ZBTB7C: variants seen among roughly 807,000 people sequenced by gnomAD.
ZBTB7C encodes zinc finger and BTB domain-containing protein 7C.
Under a neutral mutation model 25.7 loss-of-function variants are expected in ZBTB7C, and 8 were observed. The observed-to-expected ratio is 0.31, with a 90% CI of 0.18 to 0.56. The LOEUF (loss-of-function observed/expected upper bound fraction) is 0.56. Ranked by LOEUF, ZBTB7C falls within the 20% of genes least tolerant of loss-of-function variation. The pLI is 0.91. For missense variants in ZBTB7C, 824 were observed against 855.2 expected, an observed-to-expected ratio of 0.96 and a Z score of 0.46; for synonymous variants, 394 against 369.0, an observed-to-expected ratio of 1.07 and a Z score of -0.78.
chr18:48,123,613 C>A (rs1188986829), intron 3 of ZBTB7C, among the ~76,000 whole-genome samples: 1 of 152,196 alleles, frequency 6.6e-6, no homozygotes, highest in African/African-American at 2.4e-5. Context: ...ACACTCCTAA[C>A]AAACATCCTG....
At chr18:48,335,546 C>A (rs1187354473) in intron 2 of ZBTB7C, among the ~76,000 whole-genome samples, 1 of 152,142 alleles carries the variant, frequency 6.6e-6, no homozygotes, top group Non-Finnish European at 1.5e-5. Context: ...TCTTATTATT[C>A]AAGAGAATGT....
intron 1 of ZBTB7C, among the ~76,000 whole-genome samples, chr18:48,352,818 C>T (rs1006500290): frequency 5.9e-5 from 9 of 152,022 alleles, no homozygotes; most frequent in African/African-American, 1.7e-4. Flanking sequence ...AGCTGAAAGG[C>T]GCAGGGGGTA....
intron 3 of ZBTB7C, among the ~76,000 whole-genome samples, chr18:48,089,336 G>C (rs925860474): frequency 2.0e-5 from 3 of 152,024 alleles, no homozygotes; most frequent in Non-Finnish European, 4.4e-5. Flanking sequence ...CGGGTGTGGT[G>C]GTGGGCGCCT....
At chr18:48,242,183 C>A (rs560032502) in intron 2 of ZBTB7C, among the ~76,000 whole-genome samples, 1 of 152,200 alleles carries the variant, frequency 6.6e-6, no homozygotes, top group African/African-American at 2.4e-5. Context: ...CAATAACAAG[C>A]AGTGAGATTG....
chr18:48,236,619 C>A (rs548613468), intron 2 of ZBTB7C, among the ~76,000 whole-genome samples: 10 of 152,006 alleles, frequency 6.6e-5, no homozygotes, highest in Admixed American at 2.6e-4. Flanking sequence ...AACTGGCAGA[C>A]CCTCCTAAAG....
chr18:48,203,513 C>T (rs372601790), intron 2 of ZBTB7C: 1 of 152,378 alleles, frequency 6.6e-6, no homozygotes, highest in African/African-American at 2.4e-5. Context: ...TCCTCTTTTG[C>T]TTCTGATCCT....
chr18:48,176,013 G>A (rs1705894590), intron 3 of ZBTB7C, among the ~76,000 whole-genome samples: 1 of 152,130 alleles, frequency 6.6e-6, no homozygotes, highest in Non-Finnish European at 1.5e-5. Flanking sequence ...GACCGATGAG[G>A]AGCAGGGTAC....
chr18:48,232,489 C>A (rs1016760866), intron 2 of ZBTB7C, among the ~76,000 whole-genome samples: 1 of 138,652 alleles, frequency 7.2e-6, no homozygotes, highest in Non-Finnish European at 1.7e-5. Flanking sequence ...ACCCTCTAGA[C>A]CAGCCCATCT....
chr18:48,131,721 A>C (rs2039991195), intron 3 of ZBTB7C, among the ~76,000 whole-genome samples: 1 of 152,212 alleles, frequency 6.6e-6, no homozygotes, highest in African/African-American at 2.4e-5. Flanking sequence ...CATGCAAAGG[A>C]AACACCAGGG....
At chr18:48,056,785 T>C (rs977134243) in intron 3 of ZBTB7C, among the ~76,000 whole-genome samples, 2 of 151,948 alleles carry the variant, frequency 1.3e-5, no homozygotes, top group African/African-American at 2.4e-5. Flanking sequence ...AAAAAGTAAA[T>C]AAAATATTGA....
chr18:48,323,751 C>T (rs1384612104), intron 2 of ZBTB7C, among the ~76,000 whole-genome samples: 2 of 152,094 alleles, frequency 1.3e-5, no homozygotes, highest in African/African-American at 2.4e-5. Flanking sequence ...TCCGGCAGTT[C>T]AGTTGTCAAT....
At chr18:48,154,878 G>T (rs2040789148) in intron 3 of ZBTB7C, among the ~76,000 whole-genome samples, 1 of 152,200 alleles carries the variant, frequency 6.6e-6, no homozygotes. Flanking sequence ...TCAAGTCCTA[G>T]TCTCTTTATG....
chr18:48,402,351 C>G (rs1437109730), intron 1 of ZBTB7C, among the ~76,000 whole-genome samples: 5 of 151,576 alleles, frequency 3.3e-5, no homozygotes, highest in Non-Finnish European at 7.4e-5. Context: ...TTAAGGAATA[C>G]TACACATCCA....
At chr18:48,241,422 G>A (rs375607181) in intron 2 of ZBTB7C, among the ~76,000 whole-genome samples, 25 of 152,176 alleles carry the variant, frequency 1.6e-4, no homozygotes, top group Non-Finnish European at 3.5e-4. Flanking sequence ...ATCAGCACAT[G>A]GAACATTCTC....
intron 2 of ZBTB7C, among the ~76,000 whole-genome samples, chr18:48,277,912 G>A (rs907595435): frequency 6.6e-6 from 1 of 152,090 alleles, no homozygotes; most frequent in Non-Finnish European, 1.5e-5. Context: ...AGGATGCAAG[G>A]GGGAGGAGGG....
At chr18:48,247,732 G>A (rs967943800) in intron 2 of ZBTB7C, among the ~76,000 whole-genome samples, 5 of 151,398 alleles carry the variant, frequency 3.3e-5, no homozygotes, top group Non-Finnish European at 7.4e-5. Flanking sequence ...TGAGGTAATT[G>A]GATCACGGGG....
chr18:48,180,433 G>A (rs1172444307), intron 3 of ZBTB7C: 10 of 446,990 alleles, frequency 2.2e-5, no homozygotes, highest in Admixed American at 4.8e-5. Context: ...TCCTCTTGAA[G>A]ACAAGGGTCT....
At chr18:48,081,771 C>G (rs946421514) in intron 3 of ZBTB7C, among the ~76,000 whole-genome samples, 16 of 152,050 alleles carry the variant, frequency 1.1e-4, no homozygotes, top group African/African-American at 3.9e-4. Flanking sequence ...GACCTGGAAG[C>G]CATTAGCCAC....
At chr18:48,259,732 AT>A (rs1436084507) in intron 2 of ZBTB7C, among the ~76,000 whole-genome samples, 1 of 152,188 alleles carries the variant, frequency 6.6e-6, no homozygotes, top group East Asian at 1.9e-4. Flanking sequence ...ACCAAAAAAA[AT>A]ATGAATGGCA....
Sources: gnomAD v4.1 joint callset for allele counts (sites outside exome capture counted in the v4.1 genomes callset) on GRCh38, gnomAD v4.1.1 for gene constraint, MANE v1.5 for transcripts, NCBI Gene and HGNC (gene_info 2026-07-23, HGNC 2026-07-21) for gene names.